Variants in ENPP6 observed in about 807,000 individuals in gnomAD.
ENPP6 encodes the protein ectonucleotide pyrophosphatase/phosphodiesterase 6, also known as glycerophosphocholine cholinephosphodiesterase ENPP6.
ENPP6 carries 32 observed loss-of-function variants against 42.0 expected under a neutral mutation model. The ratio of observed to expected loss-of-function variants is 0.76; its 90% confidence interval spans 0.58 to 1.02. The LOEUF (loss-of-function observed/expected upper bound fraction) is 1.02. ENPP6 is among the 50% of genes least tolerant of loss of function. The pLI, the probability that ENPP6 is intolerant of heterozygous loss-of-function variation, is 0.00. For missense variants in ENPP6, 552 were observed against 566.8 expected, an observed-to-expected ratio of 0.97 and a Z score of 0.27; for synonymous variants, 213 against 216.0, an observed-to-expected ratio of 0.99 and a Z score of 0.12.
At chr4:184,213,728 T>TCCCATTAC in intron 1 of ENPP6, among the ~76,000 whole-genome samples, 1 of 148,836 alleles carries the variant, frequency 6.7e-6, no homozygotes, top group Non-Finnish European at 1.5e-5. Flanking sequence ...GACCCAGCCA[T>TCCCATTAC]CCCATTACTG....
At chr4:184,145,176 T>C (rs1002793931) in intron 2 of ENPP6, among the ~76,000 whole-genome samples, 3 of 152,226 alleles carry the variant, frequency 2.0e-5, no homozygotes, top group African/African-American at 7.2e-5. Flanking sequence ...GGCGTCTGAG[T>C]GCAGCGTTGC....
chr4:184,209,463 A>G lies in ENPP6; in HGVS notation c.241+8116T>C, dbSNP rs536593957. 1.3e-3 allele frequency among the ~76,000 whole-genome samples: 191 copies of G among 152,052 alleles called. 4 individuals are homozygous for G. Among genetic ancestry groups the G allele is most frequent in the African/African-American group, 4.1e-3 (171 of 41,294 alleles). On this transcript the variant is annotated intron_variant, in intron 1 of 7. Coordinates refer to ENST00000296741, the MANE Select transcript of ENPP6 (RefSeq NM_153343.4). Reference sequence around the variant, plus strand: ...TGCAGAAGCCTCAGGAGCCAAAGCAATCAACTGGAAGAAAGGGTATCAGCA... The same window carrying G: ...TGCAGAAGCCTCAGGAGCCAAAGCAGTCAACTGGAAGAAAGGGTATCAGCA...
At chr4:184,189,019 C>T (rs984414721) in intron 1 of ENPP6, among the ~76,000 whole-genome samples, 8 of 152,226 alleles carry the variant, frequency 5.3e-5, no homozygotes, top group Non-Finnish European at 1.2e-4. Context: ...ACCTGTGACC[C>T]ACCAGGGTGA....
intron 3 of ENPP6, among the ~76,000 whole-genome samples, chr4:184,120,195 C>T (rs1382785014): frequency 2.0e-5 from 3 of 152,166 alleles, no homozygotes; most frequent in Non-Finnish European, 2.9e-5. Context: ...CAGCCTGATT[C>T]CTGCTCCTTC....
At chr4:184,155,418 C>T (rs9994384) in intron 1 of ENPP6, among the ~76,000 whole-genome samples, 149,207 of 152,302 alleles carry the variant, frequency 0.98, 73,156 homozygotes, top group East Asian at 1. Flanking sequence ...AGTCTTTCCT[C>T]ATAGAGAGAT....
intron 2 of ENPP6, among the ~76,000 whole-genome samples, chr4:184,140,183 G>A (rs1418536946): frequency 1.3e-5 from 2 of 151,930 alleles, no homozygotes; most frequent in African/African-American, 2.4e-5. Flanking sequence ...AACTTACAAG[G>A]GACATGAAGG....
rs2111078332 is a variant in ENPP6, at chr4:184,153,864, T to C, written c.242-131A>G. ...AACAGCATAAAGATTTGCTTTTGAC[T>C]TTAAAAAAAAATCAGATTTTTTTTT... is the stretch of plus-strand genomic sequence containing the variant. On this transcript the variant is annotated intron_variant, in intron 1 of 7. Transcript: ENST00000296741. The C allele has an allele frequency of 5.6e-6, 6 of 1,079,596 alleles. No individual in the cohort carries two copies. In the East Asian group the frequency reaches 1.7e-4, roughly 31 times the overall value. 66.9% of individuals were successfully genotyped at this position (1,079,596 alleles called of 1,614,324 possible).
intron 2 of ENPP6, among the ~76,000 whole-genome samples, chr4:184,153,212 G>A (rs562084173): frequency 2.0e-5 from 3 of 148,402 alleles, no homozygotes; most frequent in Admixed American, 6.8e-5. Context: ...CACAACCTCC[G>A]CCTCCTGGGT....
chr4:184,100,404 G>A (rs1400615128), intron 6 of ENPP6, among the ~76,000 whole-genome samples: 1 of 152,234 alleles, frequency 6.6e-6, no homozygotes, highest in East Asian at 1.9e-4. Flanking sequence ...GTCCATCTGT[G>A]GATCCGCAAG....
intron 3 of ENPP6, among the ~76,000 whole-genome samples, chr4:184,120,574 A>G (rs1019572095): frequency 6.6e-6 from 1 of 152,094 alleles, no homozygotes; most frequent in South Asian, 2.1e-4. Context: ...CTTTAGCACC[A>G]TGCACCTTTT....
At chr4:184,182,552 C>CAT (rs745804999) in intron 1 of ENPP6, among the ~76,000 whole-genome samples, 4 of 152,102 alleles carry the variant, frequency 2.6e-5, no homozygotes, top group Non-Finnish European at 4.4e-5. Context: ...TATAAAGAAA[C>CAT]ATGCATACAG....
In ENPP6 at chr4:184,124,306, C is replaced by G. The variant is rs549086804; in HGVS notation, c.422-34G>C. ...GAAAAAGATGGCAAATAGTTACTCT[C>G]TTCAATAAGTAATGTCGAGTTATGA... On this transcript the variant is annotated intron_variant, in intron 2 of 7. Coordinates refer to ENST00000296741, the MANE Select transcript of ENPP6 (RefSeq NM_153343.4). 1.0e-5 allele frequency: 15 copies of G among 1,503,572 alleles called. No individual in the cohort carries two copies. In the South Asian group the frequency reaches 1.7e-4, roughly 17 times the overall value. 93.1% of individuals were successfully genotyped at this position (1,503,572 alleles called of 1,614,324 possible).
chr4:184,150,977 AT>A (rs1342757750), intron 2 of ENPP6, among the ~76,000 whole-genome samples: 1 of 152,190 alleles, frequency 6.6e-6, no homozygotes, highest in Non-Finnish European at 1.5e-5. Context: ...GCAACAAGAT[AT>A]TTTTCATGCA....
intron 2 of ENPP6, among the ~76,000 whole-genome samples, chr4:184,131,331 CTTCTTTCT>C (rs1395422140): frequency 8.1e-6 from 1 of 122,936 alleles, no homozygotes; most frequent in African/African-American, 2.8e-5. Flanking sequence ...CTCTCTCTTT[CTTCTTTCT>C]TTCTTTCTTT....
In ENPP6 at chr4:184,187,831, T is replaced by C. The variant is rs138787530; in HGVS notation, c.241+29748A>G. 6.8e-4 allele frequency among the ~76,000 whole-genome samples: 104 copies of C among 152,330 alleles called. 2 individuals carry two copies. In the East Asian group the frequency reaches 0.016, roughly 23 times the overall value. On this transcript the variant is annotated intron_variant, in intron 1 of 7. Transcript: ENST00000296741. The stretch of plus-strand genomic sequence containing the variant: ...GCCTAGAAGAGTATCTCTGGCTCCA[T>C]AGAAGGTGAGAGATACTTCTTGAAT...
chr4:184,131,206 TTCTTTCTTTCTTTTTC>T (rs1736617345), intron 2 of ENPP6, among the ~76,000 whole-genome samples: 2 of 98,818 alleles, frequency 2.0e-5, no homozygotes, highest in African/African-American at 4.5e-5. Context: ...TCTTTCTTCT[TTCTTTCTTTCTTTTTC>T]TTTCTTTCTT....
intron 1 of ENPP6, among the ~76,000 whole-genome samples, chr4:184,167,090 TA>T (rs554526130): frequency 1.1e-4 from 17 of 152,128 alleles, no homozygotes; most frequent in African/African-American, 4.1e-4. Context: ...TTTAACTCAG[TA>T]AAAAAAAGCA....
At chr4:184,117,252 C>G (rs572324346) in intron 4 of ENPP6, among the ~76,000 whole-genome samples, 67 of 152,308 alleles carry the variant, frequency 4.4e-4, no homozygotes, top group Admixed American at 3.7e-3. Flanking sequence ...CGTGCTGACA[C>G]CTTACACAGC....
chr4:184,187,071 G>T (rs1732644871), intron 1 of ENPP6, among the ~76,000 whole-genome samples: 1 of 152,242 alleles, frequency 6.6e-6, no homozygotes, highest in African/African-American at 2.4e-5. Flanking sequence ...CACAGAGGGA[G>T]GGGAGGAAGC....
Sources: gnomAD v4.1 joint callset for allele counts (sites outside exome capture counted in the v4.1 genomes callset) on GRCh38, gnomAD v4.1.1 for gene constraint, MANE v1.5 for transcripts, NCBI Gene and HGNC (gene_info 2026-07-23, HGNC 2026-07-21) for gene names.